AP2B1: variants seen among roughly 807,000 people sequenced by gnomAD.
AP2B1 encodes AP-2 complex subunit beta.
AP2B1 carries 23 observed loss-of-function variants against 102.0 expected under a neutral mutation model. The ratio of observed to expected loss-of-function variants is 0.23; its 90% confidence interval spans 0.16 to 0.32. The LOEUF (loss-of-function observed/expected upper bound fraction) is 0.32, where lower values mean the gene tolerates loss of function less well. AP2B1 is among the 10% of genes least tolerant of loss of function. The pLI, the probability that AP2B1 is intolerant of heterozygous loss-of-function variation, is 1.00. For missense variants in AP2B1, 541 were observed against 1,157.4 expected (o/e 0.47, Z 7.73); for synonymous variants, 381 against 421.2 (o/e 0.90, Z 1.17).
chr17:35,605,752 A>G lies in AP2B1; in HGVS notation c.191A>G (p.Glu64Gly). 1 of 1,614,152 alleles carries G rather than the reference A, an allele frequency of 6.2e-7. No homozygotes were observed. The highest frequency in any genetic ancestry group is 8.5e-7 in the Non-Finnish European group (1 of 1,179,978). The stretch of plus-strand genomic sequence containing the variant: ...AACTGTATGCAGACTGACAATCTGG[A>G]ACTAAAGAAGCTTGTGTATCTCTAC... ...VVNCMQTDNL[E>G]LKKLVYLYLM... Residue 64 changes from glutamate to glycine, a missense_variant, in exon 4 of 22, where the codon GAA (glutamate) becomes GGA (glycine). Around this residue, in one of 10 missense-constraint regions of AP2B1, gnomAD observed 18 missense variants for 23.8 expected, o/e 0.76. Coordinates refer to ENST00000610402, the MANE Select transcript of AP2B1 (RefSeq NM_001030006.2).
intron 10 of AP2B1, among the ~76,000 whole-genome samples, chr17:35,638,239 GT>G (rs2074665999): frequency 6.6e-6 from 1 of 152,154 alleles, no homozygotes; most frequent in Non-Finnish European, 1.5e-5. Context: ...GACGGTTTAT[GT>G]TTAAGAAAGC....
chr17:35,655,116 T>C (rs1384215238), intron 13 of AP2B1, among the ~76,000 whole-genome samples: 3 of 152,210 alleles, frequency 2.0e-5, no homozygotes, highest in Non-Finnish European at 4.4e-5. Flanking sequence ...CGGTCTGATA[T>C]AAGCTTATGC....
intron 20 of AP2B1, 139 bp from the exon 21 acceptor site, chr17:35,717,056 C>A: frequency 1.1e-6 from 1 of 899,960 alleles, no homozygotes; most frequent in African/African-American, 1.7e-5. Context: ...GGGAGAATGG[C>A]TTCTGAAGTG....
intron 12 of AP2B1, among the ~76,000 whole-genome samples, chr17:35,644,305 T>C (rs891707116): frequency 7.9e-5 from 12 of 152,200 alleles, no homozygotes; most frequent in African/African-American, 2.9e-4. Flanking sequence ...TAAGCCCATA[T>C]GTATATGTGT....
intron 13 of AP2B1, among the ~76,000 whole-genome samples, chr17:35,655,734 G>A (rs1193852517): frequency 6.6e-6 from 1 of 152,144 alleles, no homozygotes; most frequent in Admixed American, 6.6e-5. Context: ...CAAAGCAGTT[G>A]TACCAGTGTA....
chr17:35,698,092 G>C (rs587657850), intron 18 of AP2B1, among the ~76,000 whole-genome samples: 1 of 152,224 alleles, frequency 6.6e-6, no homozygotes, highest in South Asian at 2.1e-4. Context: ...TTTAAAAAAG[G>C]GTAGTCATCT....
At chr17:35,714,386 C>G (rs913417711) in intron 20 of AP2B1, among the ~76,000 whole-genome samples, 3 of 152,202 alleles carry the variant, frequency 2.0e-5, no homozygotes, top group African/African-American at 4.8e-5. Flanking sequence ...CCCCCATTCC[C>G]ACTCTCTAAT....
Position 35,720,541 on chromosome 17 carries a change from TTATTTATATA to T in AP2B1, c.2782-3080_2782-3071del, listed in dbSNP as rs1322430016. Among the ~76,000 whole-genome samples the T allele has an allele frequency of 2.0e-4, 21 of 105,252 alleles. 1 individual carries two copies. In the South Asian group the frequency reaches 4.8e-3, roughly 24 times the overall value. 69.0% of individuals were successfully genotyped at this position (105,252 alleles called of 152,430 possible). ...TTCCTTTGTCCCATATATTTTTATTTTATTTATATATATATATATATATATATATATATTT... is the reference window on the plus strand; with the variant it reads ...TTCCTTTGTCCCATATATTTTTATTTTATATATATATATATATATATATTT... On this transcript the variant is annotated intron_variant, in intron 21 of 21. Coordinates refer to ENST00000610402, the MANE Select transcript of AP2B1 (RefSeq NM_001030006.2).
chr17:35,667,030 A>G (rs2075482143), intron 14 of AP2B1, among the ~76,000 whole-genome samples: 1 of 152,206 alleles, frequency 6.6e-6, no homozygotes, highest in African/African-American at 2.4e-5. Context: ...CTGATATACA[A>G]CAACTTTCTT....
chr17:35,606,710 T>G (rs1472457306), intron 4 of AP2B1, among the ~76,000 whole-genome samples: 1 of 152,128 alleles, frequency 6.6e-6, no homozygotes, highest in Non-Finnish European at 1.5e-5. Flanking sequence ...TGCTGGATAA[T>G]TTTAAAGAAA....
chr17:35,697,687 G>A (rs7216391), intron 18 of AP2B1, among the ~76,000 whole-genome samples: 75,388 of 151,824 alleles, frequency 0.5, 18,735 homozygotes, highest in East Asian at 0.52. Flanking sequence ...TGCCTGCTGG[G>A]CACGGTGGCT....
At chr17:35,672,802 A>G (rs1054508421) in intron 16 of AP2B1, among the ~76,000 whole-genome samples, 4 of 152,220 alleles carry the variant, frequency 2.6e-5, no homozygotes, top group East Asian at 1.9e-4. Context: ...ATTGTATACA[A>G]ATGACCAACG....
At chr17:35,635,690 T>C (rs2074587927) in intron 9 of AP2B1, among the ~76,000 whole-genome samples, 1 of 151,746 alleles carries the variant, frequency 6.6e-6, no homozygotes, top group Non-Finnish European at 1.5e-5. Context: ...GCCTGGCCTT[T>C]TGTTTGTTTG....
At chr17:35,683,577 T>A (rs56056154) in intron 18 of AP2B1, among the ~76,000 whole-genome samples, 19,323 of 152,220 alleles carry the variant, frequency 0.13, 1,282 homozygotes, top group Middle Eastern at 0.16. Context: ...CTCTTTATCT[T>A]GAAAATGTCG....
At position 35,657,672 on chromosome 17, in the gene AP2B1, C is replaced by G; in HGVS notation, c.1870C>G (p.Gln624Glu). ...GGAACAGCCTCAGGTTATCCCCTCTCAAGGTGATCTTCTAGGGGATCTTTT... is the reference window on the plus strand; with the variant it reads ...GGAACAGCCTCAGGTTATCCCCTCTGAAGGTGATCTTCTAGGGGATCTTTT... Reference protein sequence around the residue: ...NLEQPQVIPSQGDLLGDLLNL... With the variant: ...NLEQPQVIPSEGDLLGDLLNL... The change falls in exon 14 of 22, where the codon CAA becomes GAA. Residue 624 changes from glutamine (Q) to glutamate (E), a missense_variant. Gln to Glu is a conservative substitution (Grantham distance 29). This residue lies in a region of AP2B1 where 39 missense variants were observed against 42.0 expected (regional missense o/e 0.93). Transcript: ENST00000610402. 2.5e-6 allele frequency: 4 copies of G among 1,614,164 alleles called. No individual in the cohort carries two copies. Among genetic ancestry groups the G allele is most frequent in the Non-Finnish European group, 3.4e-6 (4 of 1,180,014 alleles).
At chr17:35,638,336 A>T (rs2074669095) in intron 10 of AP2B1, among the ~76,000 whole-genome samples, 1 of 152,234 alleles carries the variant, frequency 6.6e-6, no homozygotes. Context: ...TTTATTATAC[A>T]GGGTCATTCT....
chr17:35,723,517 A>T (rs1247978568), intron 21 of AP2B1, 108 bp from the exon 22 acceptor site: 2 of 698,410 alleles, frequency 2.9e-6, no homozygotes, highest in Non-Finnish European at 5.3e-6. Context: ...CAGTGATAGA[A>T]GTTTCTCTCC....
chr17:35,655,057 G>C (rs1204330725), intron 13 of AP2B1, among the ~76,000 whole-genome samples: 1 of 151,970 alleles, frequency 6.6e-6, no homozygotes, highest in African/African-American at 2.4e-5. Flanking sequence ...ATAAATAATA[G>C]GGTGTTTATT....
intron 20 of AP2B1, among the ~76,000 whole-genome samples, chr17:35,715,049 A>G (rs1333415953): frequency 6.6e-6 from 1 of 152,228 alleles, no homozygotes; most frequent in East Asian, 1.9e-4. Context: ...GCAGAATCTC[A>G]TCATTCTGCA....
Sources: allele counts gnomAD v4.1 joint callset (sites outside exome capture counted in the v4.1 genomes callset), GRCh38; gene constraint gnomAD v4.1.1; regional missense constraint gnomAD v4.1.1; transcripts MANE v1.5; gene names NCBI Gene and HGNC (gene_info 2026-07-23, HGNC 2026-07-21).